The following DYNC2LI1 variants were observed in gnomAD, a reference collection of about 807,000 sequenced individuals.
DYNC2LI1 encodes dynein cytoplasmic 2 light intermediate chain 1, also known as cytoplasmic dynein 2 light intermediate chain 1.
A neutral mutation model predicts 51.9 loss-of-function variants in DYNC2LI1; 45 were observed. The observed-to-expected ratio is 0.87, with a 90% CI of 0.68 to 1.11. DYNC2LI1 has a LOEUF of 1.11. Among genes scored for constraint, DYNC2LI1 ranks in the 50% most tolerant of loss-of-function variants. DYNC2LI1 has a pLI of 0.00. For synonymous variants in DYNC2LI1, 130 were observed against 137.8 expected, an observed-to-expected ratio of 0.94 and a Z score of 0.40; for missense variants, 490 against 417.4, an observed-to-expected ratio of 1.17 and a Z score of -1.51.
chr2:43,775,023 T>G (rs1183237929), intron 1 of DYNC2LI1, among the ~76,000 whole-genome samples: 1 of 141,518 alleles, frequency 7.1e-6, no homozygotes, highest in African/African-American at 2.9e-5. Flanking sequence ...CCCTTTTTCT[T>G]ATTCCTGGTT....
chr2:43,779,957 G>T (rs78887372), intron 2 of DYNC2LI1, among the ~76,000 whole-genome samples: 2,294 of 152,298 alleles, frequency 0.015, 43 homozygotes, highest in African/African-American at 0.044. Flanking sequence ...GTTGGGTACA[G>T]TGCAAAGTGA....
At chr2:43,794,371 T>C (rs1013166433) in intron 5 of DYNC2LI1, 86 bp from the exon 6 acceptor site, 5 of 1,348,980 alleles carry the variant, frequency 3.7e-6, no homozygotes, top group African/African-American at 1.5e-5. Context: ...TATATTTTAG[T>C]TATTCTTAGA....
rs542498708 is a variant in DYNC2LI1, at chr2:43,804,315, G to A, written c.803-327G>A. On this transcript the variant is annotated intron_variant, in intron 10 of 12. Coordinates refer to ENST00000260605, the MANE Select transcript of DYNC2LI1 (RefSeq NM_016008.4). ...ACTGCAGTGTGAAATCCTTAATACA[G>A]TACCAGTTTGCAGGTGTTTCTAGGG... 5.3e-5 allele frequency among the ~76,000 whole-genome samples: 8 copies of A among 152,282 alleles called. No individual in the cohort carries two copies. The South Asian group carries it at 1.2e-3, about 24-fold the overall frequency.
intron 3 of DYNC2LI1, among the ~76,000 whole-genome samples, chr2:43,785,074 G>A (rs1306865917): frequency 6.6e-6 from 1 of 151,722 alleles, no homozygotes; most frequent in African/African-American, 2.4e-5. Flanking sequence ...AAGGCAGGCG[G>A]ATCGCTTGAA....
At chr2:43,823,981 C>A in the DYNC2LI1 span, 1 of 1,614,180 alleles carries the variant, frequency 6.2e-7, no homozygotes, top group Non-Finnish European at 8.5e-7. Flanking sequence ...GAGACCTACG[C>A]GGTCCTGGAT....
chr2:43,795,376 T>C (rs1413662095), intron 6 of DYNC2LI1, among the ~76,000 whole-genome samples: 1 of 152,064 alleles, frequency 6.6e-6, no homozygotes, highest in African/African-American at 2.4e-5. Flanking sequence ...TGGTGGTACA[T>C]GCCTGTAGTC....
At chr2:43,822,480 C>CA in the DYNC2LI1 span, 2 of 737,110 alleles carry the variant, frequency 2.7e-6, no homozygotes, top group Non-Finnish European at 3.1e-6. Flanking sequence ...TCCCCCAGGC[C>CA]CCCCCCCATG....
intron 10 of DYNC2LI1, among the ~76,000 whole-genome samples, chr2:43,801,963 G>T (rs562235901): frequency 8.5e-5 from 13 of 152,188 alleles, no homozygotes; most frequent in African/African-American, 2.6e-4. Context: ...AAAACAAATT[G>T]CAAGTATTTT....
intron 2 of DYNC2LI1, among the ~76,000 whole-genome samples, chr2:43,779,699 C>T (rs565166794): frequency 3.3e-5 from 5 of 152,282 alleles, no homozygotes; most frequent in Admixed American, 2.0e-4. Flanking sequence ...AGAAGTAATT[C>T]AGGTGAAGAG....
chr2:43,808,218 T>C (rs1666340246), intron 12 of DYNC2LI1, among the ~76,000 whole-genome samples: 3 of 151,846 alleles, frequency 2.0e-5, no homozygotes, highest in Admixed American at 6.6e-5. Flanking sequence ...CTACATATGA[T>C]TATTACCATG....
chr2:43,810,305 C>T (rs1474669369), downstream of DYNC2LI1: 3 of 950,062 alleles, frequency 3.2e-6, no homozygotes, highest in African/African-American at 1.8e-5. Flanking sequence ...TGGAATGGGG[C>T]ATTTTTAATC....
rs1440041977 is a variant in DYNC2LI1 at position 43,776,791 on chromosome 2, C to G, written c.18C>G (p.Leu6=). 6.3e-7 allele frequency: 1 copy of G among 1,575,134 alleles called. No homozygotes were observed. The highest frequency in any genetic ancestry group is 2.3e-5 in the East Asian group (1 of 42,958). Residue 6 remains leucine, a synonymous_variant, in exon 2 of 13, where the codon CTC becomes CTG. Transcript: ENST00000260605. ...TCTGCCTCTCATGTAGTGAAACTCTCTGGGAAATTGCAAAAGCTGAAGTGG... is the reference window on the plus strand; with the variant it reads ...TCTGCCTCTCATGTAGTGAAACTCTGTGGGAAATTGCAAAAGCTGAAGTGG... The part of the protein sequence containing the change: MPSET[L]WEIAKAEVEK...
intron 3 of DYNC2LI1, among the ~76,000 whole-genome samples, chr2:43,785,499 C>T (rs1385335050): frequency 2.6e-5 from 4 of 151,724 alleles, no homozygotes; most frequent in East Asian, 1.9e-4. Flanking sequence ...TCTGGGAGGC[C>T]GAGGCGGGCA....
At chr2:43,800,252 C>A (rs10208317) in intron 8 of DYNC2LI1, among the ~76,000 whole-genome samples, 24,873 of 152,074 alleles carry the variant, frequency 0.16, 3,027 homozygotes, top group African/African-American at 0.33. Context: ...TGTTCTGGTT[C>A]TGGTTTCCCT....
chr2:43,810,309 T>C, downstream of DYNC2LI1: 1 of 969,346 alleles, frequency 1.0e-6, no homozygotes, highest in Non-Finnish European at 1.2e-6. Context: ...ATGGGGCATT[T>C]TTAATCAGCA....
intron 4 of DYNC2LI1, 145 bp from the exon 5 acceptor site, chr2:43,789,488 G>A: frequency 1.7e-6 from 1 of 589,380 alleles, no homozygotes; most frequent in Non-Finnish European, 2.9e-6. Flanking sequence ...CATTTTGAGG[G>A]ATGGGATAAA....
downstream of DYNC2LI1, among the ~76,000 whole-genome samples, chr2:43,810,818 T>C (rs1426160059): frequency 6.6e-6 from 1 of 152,206 alleles, no homozygotes; most frequent in Admixed American, 6.5e-5. Flanking sequence ...CCTTTAAATT[T>C]ACAGTGAACA....
intron 4 of DYNC2LI1, among the ~76,000 whole-genome samples, chr2:43,788,236 A>G (rs1673614114): frequency 6.6e-6 from 1 of 152,244 alleles, no homozygotes; most frequent in Non-Finnish European, 1.5e-5. Flanking sequence ...TTTTTCCCAC[A>G]AAAATTAATG....
chr2:43,814,064 C>T (rs1301011097), downstream of DYNC2LI1, among the ~76,000 whole-genome samples: 1 of 152,108 alleles, frequency 6.6e-6, no homozygotes, highest in African/African-American at 2.4e-5. Flanking sequence ...GTTCTACTTC[C>T]ATCTGGTGGG....
Sources: allele counts gnomAD v4.1 joint callset (sites outside exome capture counted in the v4.1 genomes callset), GRCh38; gene constraint gnomAD v4.1.1; transcripts MANE v1.5; gene names NCBI Gene and HGNC (gene_info 2026-07-23, HGNC 2026-07-21).